ZNF704: variants seen among roughly 807,000 people sequenced by gnomAD.
The protein encoded by ZNF704 is zinc finger protein 704, also known as glucocorticoid induced gene 1.
In ZNF704, 10 loss-of-function variants were observed where a neutral mutation model predicts 44.7. The ratio of observed to expected loss-of-function variants is 0.22; its 90% CI spans 0.14 to 0.38. ZNF704 has a LOEUF of 0.38. Ranked by LOEUF, ZNF704 falls within the 10% of genes least tolerant of loss-of-function variation. ZNF704 has a pLI of 1.00. For synonymous variants in ZNF704, 211 were observed against 207.6 expected, an observed-to-expected ratio of 1.02 and a Z score of -0.14; for missense variants, 390 against 545.5, an observed-to-expected ratio of 0.71 and a Z score of 2.84.
intron 2 of ZNF704, among the ~76,000 whole-genome samples, chr8:80,785,444 A>G (rs2129724750): frequency 6.6e-6 from 1 of 152,294 alleles, no homozygotes; most frequent in Admixed American, 6.5e-5. Flanking sequence ...GTTATGTTCT[A>G]CTTCCTTGAG....
chr8:80,821,636 A>C (rs756426387), intron 1 of ZNF704, 21 bp from the exon 2 acceptor site: 5 of 1,586,102 alleles, frequency 3.2e-6, no homozygotes, highest in Admixed American at 3.4e-5. Flanking sequence ...AAACACAGAA[A>C]TTCTTACTCA....
At chr8:80,670,325 T>C (rs1174819887) in intron 5 of ZNF704, among the ~76,000 whole-genome samples, 178 bp downstream of exon 5, 1 of 152,200 alleles carries the variant, frequency 6.6e-6, no homozygotes, top group Admixed American at 6.5e-5. Flanking sequence ...CCTTGTTCTT[T>C]CCACTGTGCC....
At chr8:80,675,873 G>A (rs1476814543) in intron 4 of ZNF704, among the ~76,000 whole-genome samples, 2 of 152,116 alleles carry the variant, frequency 1.3e-5, no homozygotes, top group East Asian at 1.9e-4. Context: ...GTCAGGAGAT[G>A]GAGCACTGAA....
chr8:80,711,100 T>A (rs117657589), intron 2 of ZNF704, among the ~76,000 whole-genome samples: 1 of 152,158 alleles, frequency 6.6e-6, no homozygotes, highest in East Asian at 1.9e-4. Flanking sequence ...AATAGGCACA[T>A]GAATCTCAGG....
rs1314522815 is a variant in ZNF704, at chr8:80,630,449, A to G, written c.*10917T>C. 6.6e-6 allele frequency: 1 copy of G among 152,226 alleles called. No individual in the cohort carries two copies. The highest frequency in any genetic ancestry group is 2.4e-5 in the African/African-American group (1 of 41,466). 9.4% of individuals were successfully genotyped at this position (152,226 alleles called of 1,614,324 possible). A position where few individuals can be genotyped will look rare whatever the true frequency, so the allele number is the denominator to read the frequency against. On this transcript the variant is annotated 3_prime_UTR_variant, in exon 9 of 9. Coordinates refer to ENST00000327835, the MANE Select transcript of ZNF704 (RefSeq NM_001033723.3). Reference sequence around the variant, plus strand: ...AAAAGCAATGTTTTCTACTGATTGCATTTCCACTAAATACCCCATTTTAAA... The same window carrying G: ...AAAAGCAATGTTTTCTACTGATTGCGTTTCCACTAAATACCCCATTTTAAA...
intron 2 of ZNF704, among the ~76,000 whole-genome samples, chr8:80,770,826 C>T (rs1807307310): frequency 6.6e-6 from 1 of 152,092 alleles, no homozygotes; most frequent in Non-Finnish European, 1.5e-5. Context: ...TATGGTCATA[C>T]ATTTTATATT....
At position 80,874,321 on chromosome 8, in the gene ZNF704, T is replaced by TCCGCCGCCGCCG. The variant is rs1318271866; in HGVS notation, c.-22+238_-22+249dup. Among the ~76,000 whole-genome samples the TCCGCCGCCGCCG allele has an allele frequency of 7.0e-6, 1 of 143,792 alleles. No homozygotes were observed. Among genetic ancestry groups the TCCGCCGCCGCCG allele is most frequent in the Non-Finnish European group, 1.5e-5 (1 of 65,046 alleles). 94.3% of individuals were successfully genotyped at this position (143,792 alleles called of 152,430 possible). ...TGTGAGCGAGCGGCGCGCTGCCGCC[T>TCCGCCGCCGCCG]CCGCCGCCGCCGCCGCCGCCCGGGA... On this transcript the variant is annotated intron_variant, in intron 1 of 8. Transcript: ENST00000327835. The surrounding 1 kb of genome is among the most constrained non-coding windows in gnomAD (Gnocchi z 4.4).
chr8:80,778,048 C>G (rs1467577799), intron 2 of ZNF704, among the ~76,000 whole-genome samples: 1 of 151,982 alleles, frequency 6.6e-6, no homozygotes, highest in Non-Finnish European at 1.5e-5. Context: ...TTCAATATTC[C>G]CATAATTAAC....
intron 4 of ZNF704, among the ~76,000 whole-genome samples, chr8:80,672,014 A>C (rs1046203432): frequency 2.6e-5 from 4 of 152,224 alleles, no homozygotes; most frequent in Non-Finnish European, 5.9e-5. Flanking sequence ...GTTTAAAATA[A>C]AATACACAAA....
intron 2 of ZNF704, among the ~76,000 whole-genome samples, chr8:80,745,438 G>GA (rs1231696984): frequency 6.6e-6 from 1 of 152,094 alleles, no homozygotes; most frequent in African/African-American, 2.4e-5. Context: ...TCCAGGACTA[G>GA]AAAAATGCTC....
Position 80,851,267 on chromosome 8 carries a change from C to A in ZNF704, c.-22+23304G>T, listed in dbSNP as rs1808858566. ...AATCATGCTGCTATAAAGACACATGCAAATGTATGTTTATAGCAGCACTAT... is the reference window on the plus strand; with the variant it reads ...AATCATGCTGCTATAAAGACACATGAAAATGTATGTTTATAGCAGCACTAT... On this transcript the variant is annotated intron_variant, in intron 1 of 8. Coordinates refer to ENST00000327835, the MANE Select transcript of ZNF704 (RefSeq NM_001033723.3). Among the ~76,000 whole-genome samples the A allele has an allele frequency of 2.0e-5, 3 of 152,112 alleles. No individual in the cohort carries two copies. In the South Asian group the frequency reaches 6.2e-4, roughly 32 times the overall value.
chr8:80,875,937 T>C (rs1306513418), upstream of ZNF704, among the ~76,000 whole-genome samples: 3 of 152,314 alleles, frequency 2.0e-5, no homozygotes, highest in African/African-American at 7.2e-5. Context: ...TTATAATCAT[T>C]TGAGCCCAAA....
At chr8:80,833,000 A>G (rs2129933140) in intron 1 of ZNF704, among the ~76,000 whole-genome samples, 2 of 152,336 alleles carry the variant, frequency 1.3e-5, no homozygotes, top group East Asian at 3.9e-4. Flanking sequence ...TTACAAAAAG[A>G]TAAGCAAAAC....
intron 1 of ZNF704, among the ~76,000 whole-genome samples, chr8:80,828,468 C>T (rs1484990998): frequency 1.3e-5 from 2 of 152,150 alleles, no homozygotes; most frequent in African/African-American, 4.8e-5. Context: ...TCTGGAGCCT[C>T]ACTAATCAGT....
In ZNF704 at chr8:80,693,054, G is replaced by A; in HGVS notation, c.275C>T (p.Thr92Ile). Reference sequence around the variant, plus strand: ...AACCAAAGGGCTAGTCGACAAGCTGGTTAGTACCATTGCTGCTGTCACCTT... The same window carrying A: ...AACCAAAGGGCTAGTCGACAAGCTGATTAGTACCATTGCTGCTGTCACCTT... The part of the protein sequence containing the change: ...MDKVTAAMVL[T>I]SLSTSPLVRS... The change falls in exon 3 of 9, where the codon ACC becomes ATC. Residue 92 changes from threonine to isoleucine, a missense_variant. By Grantham distance (89) the Thr-to-Ile change is moderately conservative. Around this residue, in one of 3 missense-constraint regions of ZNF704, gnomAD observed 305 missense variants for 435.7 expected, o/e 0.70. Transcript: ENST00000327835. The A allele has an allele frequency of 1.2e-6, 2 of 1,614,186 alleles. No individual in the cohort carries two copies. Among genetic ancestry groups the A allele is most frequent in the Non-Finnish European group, 1.7e-6 (2 of 1,180,032 alleles).
At chr8:80,657,334 T>A (rs1818031933) in intron 7 of ZNF704, among the ~76,000 whole-genome samples, 1 of 152,194 alleles carries the variant, frequency 6.6e-6, no homozygotes, top group South Asian at 2.1e-4. Context: ...AAAATCAGTC[T>A]AAAGTCTTTG....
chr8:80,809,048 T>C (rs761924690), intron 2 of ZNF704, among the ~76,000 whole-genome samples: 1 of 152,178 alleles, frequency 6.6e-6, no homozygotes, highest in Non-Finnish European at 1.5e-5. Flanking sequence ...TCCCAGCACT[T>C]TGGGAGGCCA....
intron 2 of ZNF704, among the ~76,000 whole-genome samples, chr8:80,805,764 C>T (rs1299863622): frequency 6.6e-6 from 1 of 152,114 alleles, no homozygotes; most frequent in African/African-American, 2.4e-5. Flanking sequence ...CCTGTTATTT[C>T]CTAGCATGGT....
intron 1 of ZNF704, among the ~76,000 whole-genome samples, chr8:80,857,580 G>T (rs1051357080): frequency 2.0e-5 from 3 of 152,082 alleles, no homozygotes; most frequent in African/African-American, 4.8e-5. Context: ...GAGAAGAAAT[G>T]ACTTTGATCA....
Sources: allele counts gnomAD v4.1 joint callset (sites outside exome capture counted in the v4.1 genomes callset), GRCh38; gene constraint gnomAD v4.1.1; regional missense constraint gnomAD v4.1.1; non-coding constraint Gnocchi (gnomAD v3.1); transcripts MANE v1.5; gene names NCBI Gene and HGNC (gene_info 2026-07-23, HGNC 2026-07-21).